GRIK4: variants seen among roughly 807,000 people sequenced by gnomAD.
GRIK4 encodes the protein glutamate ionotropic receptor kainate type subunit 4.
Under a neutral mutation model 104.9 loss-of-function variants are expected in GRIK4, and 40 were observed. That is an observed-to-expected ratio of 0.38 (90% CI 0.30 to 0.50). The LOEUF (loss-of-function observed/expected upper bound fraction) is 0.50. Among genes scored for constraint, GRIK4 ranks in the 20% least tolerant of loss-of-function variants. GRIK4 has a pLI of 0.93. For synonymous variants in GRIK4, 485 were observed against 524.9 expected (o/e 0.92, Z 1.04); for missense variants, 1,047 against 1,308.1 (o/e 0.80, Z 3.08).
intron 1 of GRIK4, among the ~76,000 whole-genome samples, chr11:120,618,926 G>T (rs1226543949): frequency 2.6e-5 from 4 of 152,234 alleles, no homozygotes; most frequent in African/African-American, 9.6e-5. Flanking sequence ...CAAAGGGGAA[G>T]TATGGGGTTG....
chr11:120,640,133 G>A (rs1056960944), intron 1 of GRIK4, among the ~76,000 whole-genome samples: 2 of 152,186 alleles, frequency 1.3e-5, no homozygotes, highest in South Asian at 2.1e-4. Flanking sequence ...ATAGAGTAGC[G>A]TGAAAGCAAG....
chr11:120,631,944 T>C (rs1307165510), intron 1 of GRIK4, among the ~76,000 whole-genome samples: 1 of 152,070 alleles, frequency 6.6e-6, no homozygotes, highest in African/African-American at 2.4e-5. Context: ...AGGTTTGAAG[T>C]CCAGCATGAT....
intron 3 of GRIK4, among the ~76,000 whole-genome samples, chr11:120,762,937 A>G (rs1458597817): frequency 6.6e-6 from 1 of 152,164 alleles, no homozygotes; most frequent in Non-Finnish European, 1.5e-5. Flanking sequence ...AGATTTTGGT[A>G]TCAGGATGAT....
In GRIK4 at chr11:120,851,920, G is replaced by T. The variant is rs146498128; in HGVS notation, c.745-10039G>T. Among the ~76,000 whole-genome samples the T allele has an allele frequency of 1.8e-3, 268 of 152,314 alleles. 1 individual carries two copies. Among genetic ancestry groups the T allele is most frequent in the African/African-American group, 6.3e-3 (263 of 41,560 alleles). On this transcript the variant is annotated intron_variant, in intron 8 of 20. Transcript: ENST00000527524. ...CCCCTGGTGGGATGGTGGAGCTGGG[G>T]GTGCCTGGGATCTCTACGTGCCTGA...
At chr11:120,642,585 C>G (rs1026234408) in intron 1 of GRIK4, among the ~76,000 whole-genome samples, 2 of 151,710 alleles carry the variant, frequency 1.3e-5, no homozygotes, top group East Asian at 3.9e-4. Context: ...ACCAAGGCTT[C>G]ACTCTTCTCA....
At position 120,967,212 on chromosome 11, in the gene GRIK4, G is replaced by A. The variant is rs768742780; in HGVS notation, c.2284G>A (p.Glu762Lys). The change falls in exon 19 of 21, where the codon GAG (glutamate) becomes AAG (lysine). Residue 762 changes from glutamate to lysine, a missense_variant. Physicochemically the swap from Glu to Lys is moderately conservative, Grantham distance 56. Coordinates refer to ENST00000527524, the MANE Select transcript of GRIK4 (RefSeq NM_014619.5). This position sits in a 1 kb window ranked among gnomAD's most constrained non-coding sequence, Gnocchi z 4.2. ...CCCCGCAGGCTCGGTTTTCCGGGACGAGTTTGATCTGGCCATTCTCCAGCT... is the reference window on the plus strand; with the variant it reads ...CCCCGCAGGCTCGGTTTTCCGGGACAAGTTTGATCTGGCCATTCTCCAGCT... ...GMPVGSVFRD[E>K]FDLAILQLQE... is the part of the protein sequence containing the mutation. 5.0e-6 allele frequency: 8 copies of A among 1,613,444 alleles called. No homozygotes were observed. The highest frequency in any genetic ancestry group is 1.3e-5 in the African/African-American group (1 of 74,900).
intron 1 of GRIK4, among the ~76,000 whole-genome samples, chr11:120,581,577 C>T (rs1487075165): frequency 6.6e-6 from 1 of 152,112 alleles, no homozygotes; most frequent in Non-Finnish European, 1.5e-5. Context: ...TCCCTCTTCC[C>T]CTCGGTTCCT....
intron 1 of GRIK4, among the ~76,000 whole-genome samples, chr11:120,519,505 C>T (rs976443947): frequency 6.6e-6 from 1 of 152,248 alleles, no homozygotes; most frequent in African/African-American, 2.4e-5. Flanking sequence ...CTGCCAGCAC[C>T]TTGATCTCGG....
intron 3 of GRIK4, among the ~76,000 whole-genome samples, chr11:120,797,830 C>T (rs1161902277): frequency 2.0e-5 from 3 of 152,064 alleles, no homozygotes; most frequent in African/African-American, 4.8e-5. Flanking sequence ...AAGAGAGGAC[C>T]TCATCCTCCC....
At chr11:120,838,819 C>T (rs553747827) in intron 8 of GRIK4, among the ~76,000 whole-genome samples, 16 of 152,254 alleles carry the variant, frequency 1.1e-4, no homozygotes, top group African/African-American at 3.9e-4. Context: ...GAATCTCGCT[C>T]TGTCACCCAG....
intron 1 of GRIK4, among the ~76,000 whole-genome samples, chr11:120,546,656 G>A (rs1050434013): frequency 6.6e-6 from 1 of 152,118 alleles, no homozygotes; most frequent in Non-Finnish European, 1.5e-5. Context: ...TCTAGGGAAC[G>A]TGCAGTATGT....
At chr11:120,879,115 A>G (rs1227058617) in intron 11 of GRIK4, among the ~76,000 whole-genome samples, 1 of 152,218 alleles carries the variant, frequency 6.6e-6, no homozygotes, top group African/African-American at 2.4e-5. Flanking sequence ...TGGTCCCGCT[A>G]TTAGCAAGGA....
intron 8 of GRIK4, among the ~76,000 whole-genome samples, chr11:120,851,298 C>T (rs1953968097): frequency 6.6e-6 from 1 of 152,190 alleles, no homozygotes; most frequent in Non-Finnish European, 1.5e-5. Flanking sequence ...CTGTTATAAG[C>T]TCTTGCTGTT....
intron 5 of GRIK4, among the ~76,000 whole-genome samples, chr11:120,816,381 T>G: frequency 6.6e-6 from 1 of 151,382 alleles, no homozygotes; most frequent in Non-Finnish European, 1.5e-5. Flanking sequence ...AGCTTGGTGG[T>G]CAGGCATGAG....
intron 1 of GRIK4, among the ~76,000 whole-genome samples, chr11:120,560,392 C>A (rs187462503): frequency 6.6e-6 from 1 of 152,232 alleles, no homozygotes; most frequent in Non-Finnish European, 1.5e-5. Flanking sequence ...GGGGACCTAG[C>A]CCCGCATTTG....
intron 8 of GRIK4, 105 bp from the exon 9 acceptor site, chr11:120,861,854 G>A: frequency 1.2e-6 from 1 of 849,722 alleles, no homozygotes; most frequent in Non-Finnish European, 2.0e-6. Context: ...AGTGTCTGGT[G>A]TTCACTGGAC....
intron 3 of GRIK4, among the ~76,000 whole-genome samples, chr11:120,780,453 T>C (rs1157430851): frequency 2.0e-5 from 3 of 152,242 alleles, no homozygotes; most frequent in Non-Finnish European, 4.4e-5. Flanking sequence ...TTGTAGTATG[T>C]GTCAGAATTT....
intron 1 of GRIK4, among the ~76,000 whole-genome samples, chr11:120,631,825 C>A: frequency 6.6e-6 from 1 of 152,116 alleles, no homozygotes; most frequent in East Asian, 1.9e-4. Context: ...CCTACGACAC[C>A]ACCGCTGGGC....
intron 13 of GRIK4, among the ~76,000 whole-genome samples, chr11:120,938,997 G>A (rs895412485): frequency 1.3e-5 from 2 of 152,156 alleles, no homozygotes; most frequent in African/African-American, 4.8e-5. Flanking sequence ...GAGGATTGCT[G>A]GGAAGGACCC....
Sources: gnomAD v4.1 joint callset for allele counts (sites outside exome capture counted in the v4.1 genomes callset) on GRCh38, gnomAD v4.1.1 for gene constraint, Gnocchi (gnomAD v3.1) non-coding constraint, MANE v1.5 for transcripts, NCBI Gene and HGNC (gene_info 2026-07-23, HGNC 2026-07-21) for gene names.